Variants in PPP1R9A observed in about 807,000 individuals in gnomAD.
PPP1R9A encodes neurabin-1.
In PPP1R9A, 59 loss-of-function variants were observed where a neutral mutation model predicts 141.9. That is an observed-to-expected ratio of 0.42 (90% CI 0.34 to 0.52). PPP1R9A has a LOEUF of 0.52. Among genes scored for constraint, PPP1R9A ranks in the 20% least tolerant of loss-of-function variants. PPP1R9A has a pLI of 0.10. For synonymous variants in PPP1R9A, 500 were observed against 569.7 expected (o/e 0.88, Z 1.74); for missense variants, 1,444 against 1,611.9 (o/e 0.90, Z 1.78).
intron 2 of PPP1R9A, among the ~76,000 whole-genome samples, chr7:94,981,558 T>A (rs961708109): frequency 2.0e-5 from 3 of 152,126 alleles, no homozygotes; most frequent in Non-Finnish European, 2.9e-5. Context: ...TAAAAAAAAC[T>A]TATTATTACA....
intron 9 of PPP1R9A, 49 bp from the exon 10 acceptor site, chr7:95,249,977 G>C: frequency 6.7e-7 from 1 of 1,492,656 alleles, no homozygotes; most frequent in Non-Finnish European, 8.9e-7. Context: ...AGAGATTTTT[G>C]CCACAAAAGT....
chr7:95,078,043 A>G lies in PPP1R9A; in HGVS notation c.1396-33216A>G, dbSNP rs561447020. On this transcript the variant is annotated intron_variant, in intron 2 of 19. Coordinates refer to ENST00000433360, the MANE Select transcript of PPP1R9A (RefSeq NM_001166160.2). Reference sequence around the variant, plus strand: ...TGTGCACAACGTGCAGGTTAGTTACATATGTATACATGTGCCATGCTGGTG... The same window carrying G: ...TGTGCACAACGTGCAGGTTAGTTACGTATGTATACATGTGCCATGCTGGTG... 4.6e-5 allele frequency among the ~76,000 whole-genome samples: 7 copies of G among 150,820 alleles called. No individual in the cohort carries two copies. The South Asian group carries it at 1.0e-3, about 23-fold the overall frequency.
chr7:94,959,566 A>T (rs989006085), intron 2 of PPP1R9A, among the ~76,000 whole-genome samples: 2 of 151,842 alleles, frequency 1.3e-5, no homozygotes, highest in South Asian at 4.1e-4. Flanking sequence ...TTTTCTGAGA[A>T]TTGAAAAAAT....
At chr7:94,997,681 G>C (rs761405874) in intron 2 of PPP1R9A, among the ~76,000 whole-genome samples, 1 of 152,094 alleles carries the variant, frequency 6.6e-6, no homozygotes, top group Non-Finnish European at 1.5e-5. Context: ...TTTCTCCTCT[G>C]TGTATATGTG....
chr7:95,038,594 C>G (rs1808780865), intron 2 of PPP1R9A, among the ~76,000 whole-genome samples: 1 of 152,046 alleles, frequency 6.6e-6, no homozygotes, highest in South Asian at 2.1e-4. Flanking sequence ...TGTGCTGCAG[C>G]CATGGGAGTA....
intron 2 of PPP1R9A, among the ~76,000 whole-genome samples, chr7:94,913,793 G>A (rs1251249005): frequency 2.0e-5 from 3 of 152,080 alleles, no homozygotes; most frequent in Non-Finnish European, 4.4e-5. Flanking sequence ...TATCATGTGT[G>A]TTCTCTCATG....
At chr7:95,278,057 C>G (rs1039750032) in intron 16 of PPP1R9A, among the ~76,000 whole-genome samples, 6 of 152,144 alleles carry the variant, frequency 3.9e-5, no homozygotes, top group Admixed American at 2.6e-4. Flanking sequence ...AATTTGCATT[C>G]AAGTAGAAAG....
At chr7:95,191,159 T>C (rs1179763302) in intron 5 of PPP1R9A, among the ~76,000 whole-genome samples, 3 of 152,118 alleles carry the variant, frequency 2.0e-5, no homozygotes, top group African/African-American at 7.2e-5. Context: ...ACTAATGAAA[T>C]GAATCCCACG....
intron 4 of PPP1R9A, among the ~76,000 whole-genome samples, chr7:95,127,495 CT>C (rs150158227): frequency 7.6e-6 from 1 of 132,152 alleles, no homozygotes; most frequent in African/African-American, 3.0e-5. Context: ...CTTCTGTCTT[CT>C]TTTTTTCTTT....
intron 14 of PPP1R9A, 123 bp downstream of exon 14, chr7:95,269,630 T>C: frequency 5.5e-6 from 4 of 729,896 alleles, no homozygotes; most frequent in Non-Finnish European, 7.9e-6. Flanking sequence ...AATTTCTTTT[T>C]ATATTATAGA....
intron 5 of PPP1R9A, among the ~76,000 whole-genome samples, chr7:95,168,060 A>T (rs1831541971): frequency 6.6e-6 from 1 of 152,170 alleles, no homozygotes; most frequent in Non-Finnish European, 1.5e-5. Context: ...AATGTGTAAG[A>T]AACCAAGTAC....
At chr7:95,168,731 A>G (rs911206652) in intron 5 of PPP1R9A, among the ~76,000 whole-genome samples, 1 of 152,126 alleles carries the variant, frequency 6.6e-6, no homozygotes, top group Admixed American at 6.6e-5. Flanking sequence ...GGCAAAGGAT[A>G]TGAATAGACA....
At chr7:95,178,951 A>G (rs554520159) in intron 5 of PPP1R9A, among the ~76,000 whole-genome samples, 1 of 152,212 alleles carries the variant, frequency 6.6e-6, no homozygotes, top group East Asian at 1.9e-4. Flanking sequence ...CAGACATTCA[A>G]AGAAGAATTG....
At position 95,075,563 on chromosome 7, in the gene PPP1R9A, G is replaced by A. The variant is rs537748901; in HGVS notation, c.1396-35696G>A. ...ATGGAGAGGTAGGCTGGGCATGGTG[G>A]CTCATGCCTGTAAAGTAATCCCAGC... On this transcript the variant is annotated intron_variant, in intron 2 of 19. Transcript: ENST00000433360. Among the ~76,000 whole-genome samples the A allele has an allele frequency of 3.9e-5, 6 of 152,230 alleles. No homozygotes were observed. The South Asian group carries it at 1.2e-3, about 32-fold the overall frequency.
In PPP1R9A at chr7:94,926,204, G is replaced by A. The variant is rs560839015; in HGVS notation, c.1395+14696G>A. 3.9e-5 allele frequency among the ~76,000 whole-genome samples: 6 copies of A among 152,202 alleles called. No homozygotes were observed. In the East Asian group the frequency reaches 9.6e-4, roughly 24 times the overall value. On this transcript the variant is annotated intron_variant, in intron 2 of 19. Transcript: ENST00000433360. ...GGTTAGCAGTTACAAATGAAAGCTG[G>A]GTGATTCCATTACAGATTAAAATCT...
At chr7:95,199,488 C>T (rs1326437501) in intron 6 of PPP1R9A, among the ~76,000 whole-genome samples, 2 of 152,112 alleles carry the variant, frequency 1.3e-5, no homozygotes, top group Non-Finnish European at 2.9e-5. Context: ...AATATTTTCA[C>T]ATATTTTTAA....
intron 2 of PPP1R9A, among the ~76,000 whole-genome samples, chr7:94,914,925 C>T (rs1413641579): frequency 6.6e-6 from 1 of 152,134 alleles, no homozygotes; most frequent in Non-Finnish European, 1.5e-5. Context: ...CTTTGATGAT[C>T]TTTCTAAGGT....
At position 95,293,420 on chromosome 7, in the gene PPP1R9A, A is replaced by G. The variant is rs1229633892; in HGVS notation, c.*3117A>G. ...ATGACAATAAAGCTGTTCTGTGGCT[A>G]TCATCCTTTAGCTGGGATTGACAAT... is the stretch of plus-strand genomic sequence containing the variant. On this transcript the variant is annotated 3_prime_UTR_variant, in exon 20 of 20. Coordinates refer to ENST00000433360, the MANE Select transcript of PPP1R9A (RefSeq NM_001166160.2). The G allele has an allele frequency of 1.3e-5, 2 of 152,162 alleles. No individual in the cohort carries two copies. The highest frequency in any genetic ancestry group is 4.8e-5 in the African/African-American group (2 of 41,434). 9.4% of individuals were successfully genotyped at this position (152,162 alleles called of 1,614,324 possible). A position where few individuals can be genotyped will look rare whatever the true frequency, so the allele number is the denominator to read the frequency against.
intron 2 of PPP1R9A, among the ~76,000 whole-genome samples, chr7:95,072,314 A>T (rs1813939075): frequency 6.9e-6 from 1 of 144,774 alleles, no homozygotes; most frequent in African/African-American, 2.5e-5. Flanking sequence ...ATATTGTATT[A>T]TATAATATAT....
Sources: allele counts gnomAD v4.1 joint callset (sites outside exome capture counted in the v4.1 genomes callset), GRCh38; gene constraint gnomAD v4.1.1; transcripts MANE v1.5; gene names NCBI Gene and HGNC (gene_info 2026-07-23, HGNC 2026-07-21).